CACNG2: variants seen among roughly 807,000 people sequenced by gnomAD.
The protein encoded by CACNG2 is calcium voltage-gated channel auxiliary subunit gamma 2.
Under a neutral mutation model 25.9 loss-of-function variants are expected in CACNG2, and 3 were observed. That is an observed-to-expected ratio of 0.12 (90% confidence interval 0.05 to 0.30). The LOEUF (loss-of-function observed/expected upper bound fraction) is 0.30, where lower values mean the gene tolerates loss of function less well. Among genes scored for constraint, CACNG2 ranks in the 10% least tolerant of loss-of-function variants. The pLI, the probability that CACNG2 is intolerant of heterozygous loss-of-function variation, is 1.00. For missense variants in CACNG2, 341 were observed against 432.5 expected, an observed-to-expected ratio of 0.79 and a Z score of 1.88; for synonymous variants, 167 against 173.3, an observed-to-expected ratio of 0.96 and a Z score of 0.29.
At chr22:36,688,996 G>A (rs1049805941) in intron 1 of CACNG2, among the ~76,000 whole-genome samples, 8 of 152,140 alleles carry the variant, frequency 5.3e-5, no homozygotes, top group Non-Finnish European at 8.8e-5. Context: ...TTCTTCATCT[G>A]TTTTGGGCCT....
At chr22:36,624,615 T>A (rs1463662770) in intron 1 of CACNG2, among the ~76,000 whole-genome samples, 2 of 152,082 alleles carry the variant, frequency 1.3e-5, no homozygotes, top group Non-Finnish European at 2.9e-5. Context: ...CTGGCCCCCC[T>A]CCAAACCTGC....
chr22:36,659,259 A>C (rs1325101983), intron 1 of CACNG2, among the ~76,000 whole-genome samples: 1 of 152,034 alleles, frequency 6.6e-6, no homozygotes, highest in Non-Finnish European at 1.5e-5. Flanking sequence ...CCCACAGCAC[A>C]AGCTCCGACC....
rs114916774 is a variant in CACNG2 at position 36,675,502 on chromosome 22, G to A, written c.211+26864C>T. On this transcript the variant is annotated intron_variant, in intron 1 of 3. Transcript: ENST00000300105. ...ATACACATAGTTCTCCTTTTATGTC[G>A]ACTTTTCTCAAAGAACTGGGAGCAC... is the stretch of plus-strand genomic sequence containing the variant. Among the ~76,000 whole-genome samples, 1,170 of 152,226 alleles carry A rather than the reference G, an allele frequency of 7.7e-3. 13 individuals are homozygous for A. The highest frequency in any genetic ancestry group is 0.027 in the African/African-American group (1,126 of 41,514).
Position 36,606,603 on chromosome 22 carries a change from GGATGAGCCGT to G in CACNG2, c.212-19065_212-19056del, listed in dbSNP as rs1476393085. 6.6e-6 allele frequency among the ~76,000 whole-genome samples: 1 copy of G among 152,044 alleles called. No individual in the cohort carries two copies. The highest frequency in any genetic ancestry group is 6.6e-5 in the Admixed American group (1 of 15,262). ...GGCTTCCTGGAAGAAGCACCATCTC[GGATGAGCCGT>G]GAAGGATAAGTAAAAATTGGCAGAT... is the stretch of plus-strand genomic sequence containing the variant. On this transcript the variant is annotated intron_variant, in intron 1 of 3. Coordinates refer to ENST00000300105, the MANE Select transcript of CACNG2 (RefSeq NM_006078.5). This position sits in a 1 kb window ranked among gnomAD's most constrained non-coding sequence, Gnocchi z 5.7.
chr22:36,573,962 A>G (rs1935273416), intron 2 of CACNG2, among the ~76,000 whole-genome samples: 1 of 152,110 alleles, frequency 6.6e-6, no homozygotes, highest in Non-Finnish European at 1.5e-5. Flanking sequence ...GCTCCTTCAG[A>G]GACCTGGAAG....
intron 1 of CACNG2, among the ~76,000 whole-genome samples, chr22:36,654,730 A>G (rs1024749207): frequency 2.1e-4 from 32 of 152,218 alleles, no homozygotes; most frequent in African/African-American, 7.2e-4. Flanking sequence ...CAGACTTGCT[A>G]TGGAGTCAGA....
intron 1 of CACNG2, among the ~76,000 whole-genome samples, chr22:36,649,950 G>T (rs1199667460): frequency 1.3e-5 from 2 of 152,170 alleles, no homozygotes; most frequent in Non-Finnish European, 2.9e-5. Flanking sequence ...TTTATCAGCA[G>T]TGTGAGAACA....
rs574612892 is a variant in CACNG2 at position 36,680,996 on chromosome 22, C to G, written c.211+21370G>C. 3.5e-4 allele frequency among the ~76,000 whole-genome samples: 53 copies of G among 151,996 alleles called. No individual in the cohort carries two copies. The South Asian group carries it at 0.011, about 30-fold the overall frequency. ...TCAACTTCTTTATTTATACATTTAT[C>G]CATTAAAAAGAATGAGAATGAAAAA... is the stretch of plus-strand genomic sequence containing the variant. On this transcript the variant is annotated intron_variant, in intron 1 of 3. Transcript: ENST00000300105.
At chr22:36,684,291 G>A (rs545143198) in intron 1 of CACNG2, among the ~76,000 whole-genome samples, 119 of 152,274 alleles carry the variant, frequency 7.8e-4, no homozygotes, top group Non-Finnish European at 1.2e-3. Context: ...CTTAGGATGA[G>A]GCTCGATTTA....
chr22:36,623,017 T>A (rs1045056298), intron 1 of CACNG2, among the ~76,000 whole-genome samples: 21 of 136,172 alleles, frequency 1.5e-4, no homozygotes, highest in South Asian at 2.6e-4. Context: ...CATGGGTTTT[T>A]TTTTTTTTTT....
chr22:36,643,130 TTCTC>T (rs1228710861), intron 1 of CACNG2, among the ~76,000 whole-genome samples: 1 of 150,778 alleles, frequency 6.6e-6, no homozygotes, highest in Non-Finnish European at 1.5e-5. Context: ...CTTTTTCTCT[TTCTC>T]TCTCTCTCCT....
chr22:36,634,711 T>C (rs988871258), intron 1 of CACNG2, among the ~76,000 whole-genome samples: 3 of 152,224 alleles, frequency 2.0e-5, no homozygotes, highest in Non-Finnish European at 4.4e-5. Context: ...TCATTACACA[T>C]AGATCTTGTG....
intron 1 of CACNG2, 126 bp downstream of exon 1, chr22:36,702,240 T>G: frequency 1.5e-6 from 1 of 652,194 alleles, no homozygotes; most frequent in Non-Finnish European, 2.7e-6. Context: ...CCTTGATTGG[T>G]GGTGGAAGGA....
chr22:36,565,626 G>A lies in CACNG2; in HGVS notation c.436+727C>T, dbSNP rs73413767. ...CTCTAGTAGCTGGGATTATGTATGC[G>A]TCACCATGCCCAGCTGATTAAAATA... On this transcript the variant is annotated intron_variant, in intron 3 of 3. Transcript: ENST00000300105. 4.9e-3 allele frequency among the ~76,000 whole-genome samples: 746 copies of A among 152,106 alleles called. 6 individuals are homozygous for A. Among genetic ancestry groups the A allele is most frequent in the African/African-American group, 0.017 (722 of 41,490 alleles).
intron 1 of CACNG2, among the ~76,000 whole-genome samples, chr22:36,643,275 C>T (rs1051014089): frequency 2.0e-5 from 3 of 150,748 alleles, no homozygotes; most frequent in Admixed American, 6.6e-5. Flanking sequence ...TTCCTTCCTT[C>T]CTTCCTCCCT....
rs2283979 is a variant in CACNG2 at position 36,578,733 on chromosome 22, C to T, written c.295+8732G>A. Among the ~76,000 whole-genome samples the T allele has an allele frequency of 3.0e-3, 460 of 152,282 alleles. 23 individuals are homozygous for T. In the East Asian group the frequency reaches 0.078, roughly 26 times the overall value. On this transcript the variant is annotated intron_variant, in intron 2 of 3. Coordinates refer to ENST00000300105, the MANE Select transcript of CACNG2 (RefSeq NM_006078.5). ...GACACCCAATATCCTCCTCTGACCT[C>T]ATTCTGGGAAGAGGGTGAACATGCC...
At chr22:36,614,462 G>A (rs954887261) in intron 1 of CACNG2, among the ~76,000 whole-genome samples, 4 of 152,186 alleles carry the variant, frequency 2.6e-5, no homozygotes, top group Admixed American at 6.5e-5. Context: ...TTGGTATGGC[G>A]ACATTCCTGG....
At chr22:36,594,613 C>T (rs952992553) in intron 1 of CACNG2, among the ~76,000 whole-genome samples, 39 of 152,198 alleles carry the variant, frequency 2.6e-4, no homozygotes, top group African/African-American at 9.2e-4. Context: ...TGAGGAGGAG[C>T]AGGTGCCTGA....
At chr22:36,592,462 A>G (rs1397335380) in intron 1 of CACNG2, among the ~76,000 whole-genome samples, 1 of 152,144 alleles carries the variant, frequency 6.6e-6, no homozygotes, top group African/African-American at 2.4e-5. Context: ...AGGCAGAGGT[A>G]GGGATGATCT....
Sources: gnomAD v4.1 joint callset for allele counts (sites outside exome capture counted in the v4.1 genomes callset) on GRCh38, gnomAD v4.1.1 for gene constraint, Gnocchi (gnomAD v3.1) non-coding constraint, MANE v1.5 for transcripts, NCBI Gene and HGNC (gene_info 2026-07-23, HGNC 2026-07-21) for gene names.